Variants in ELFN1 observed in about 807,000 individuals in gnomAD.
The protein encoded by ELFN1 is extracellular leucine rich repeat and fibronectin type III domain containing 1.
A neutral mutation model predicts 7.6 loss-of-function variants in ELFN1; 6 were observed. That is an observed-to-expected ratio of 0.79 (90% CI 0.43 to 1.56). ELFN1 has a LOEUF of 1.56. Among genes scored for constraint, ELFN1 ranks in the 40% most tolerant of loss-of-function variants. ELFN1 has a pLI of 0.01. For missense variants in ELFN1, 1,169 were observed against 1,232.2 expected (o/e 0.95, Z 0.77); for synonymous variants, 657 against 588.1 (o/e 1.12, Z -1.70).
In ELFN1 at chr7:1,705,752, T is replaced by C. The variant is rs1032255650; in HGVS notation, c.-455-3339T>C. Among the ~76,000 whole-genome samples, 3 of 152,228 alleles carry C rather than the reference T, an allele frequency of 2.0e-5. No homozygotes were observed. The highest frequency in any genetic ancestry group is 7.2e-5 in the African/African-American group (3 of 41,456). Reference sequence around the variant, plus strand: ...GTCCACAACATCCTGCACAGATTTGTTGCCCTTCTGTAAAGTAGAGTCTTA... The same window carrying C: ...GTCCACAACATCCTGCACAGATTTGCTGCCCTTCTGTAAAGTAGAGTCTTA... On this transcript the variant is annotated intron_variant, in intron 2 of 3. Coordinates refer to ENST00000424383, the MANE Select transcript of ELFN1 (RefSeq NM_001128636.4). This position sits in a 1 kb window ranked among gnomAD's most constrained non-coding sequence, Gnocchi z 4.3.
At chr7:1,685,597 A>C (rs542266877) in intron 1 of ELFN1, among the ~76,000 whole-genome samples, 1 of 152,090 alleles carries the variant, frequency 6.6e-6, no homozygotes, top group East Asian at 1.9e-4. Flanking sequence ...TCATGTAATG[A>C]ATTTTTCATT....
At chr7:1,683,952 C>T (rs940842162) in intron 1 of ELFN1, among the ~76,000 whole-genome samples, 1 of 152,076 alleles carries the variant, frequency 6.6e-6, no homozygotes, top group African/African-American at 2.4e-5. Flanking sequence ...AGTTTGAGAC[C>T]ACCCTGGGAA....
rs116029739 is a variant in ELFN1 at position 1,708,136 on chromosome 7, C to T, written c.-455-955C>T. 5.1e-3 allele frequency among the ~76,000 whole-genome samples: 784 copies of T among 152,352 alleles called. 6 individuals carry two copies. The highest frequency in any genetic ancestry group is 0.017 in the African/African-American group (723 of 41,580). On this transcript the variant is annotated intron_variant, in intron 2 of 3. Transcript: ENST00000424383. The stretch of plus-strand genomic sequence containing the variant: ...CCACAGCACTTCCCCTCCTGCCCTC[C>T]AGATGCAAAAGCATCATTCATGGGG...
chr7:1,715,904 G>C (rs1053779036), intron 3 of ELFN1, among the ~76,000 whole-genome samples: 2 of 152,118 alleles, frequency 1.3e-5, no homozygotes, highest in Non-Finnish European at 2.9e-5. Flanking sequence ...TCCCTTCATA[G>C]ACCCTACCCC....
Position 1,707,524 on chromosome 7 carries a change from A to C in ELFN1, c.-455-1567A>C, listed in dbSNP as rs1254375661. 5.3e-5 allele frequency among the ~76,000 whole-genome samples: 8 copies of C among 152,200 alleles called. No homozygotes were observed. In the South Asian group the frequency reaches 6.2e-4, roughly 12 times the overall value. On this transcript the variant is annotated intron_variant, in intron 2 of 3. Coordinates refer to ENST00000424383, the MANE Select transcript of ELFN1 (RefSeq NM_001128636.4). The stretch of plus-strand genomic sequence containing the variant: ...GGGTGCCCTGGGAGGGGCCTTGGGC[A>C]GGACCAAGCAAAGGAAGCAGGCACG...
intron 2 of ELFN1, chr7:1,693,317 A>G (rs1046250446): frequency 2.2e-6 from 1 of 459,052 alleles, no homozygotes; most frequent in East Asian, 7.1e-5. Flanking sequence ...AGCCTCAGAA[A>G]GTGCCCGATT....
chr7:1,725,961 A>G (rs1780183035), intron 3 of ELFN1, among the ~76,000 whole-genome samples: 2 of 151,882 alleles, frequency 1.3e-5, no homozygotes, highest in Non-Finnish European at 2.9e-5. Flanking sequence ...CAAAAGTCAC[A>G]CAATACACAA....
rs796138776 is a variant in ELFN1 at position 1,695,766 on chromosome 7, A to C, written c.-456+7616A>C. ...CCGTGTCAAAAAAAAAAAAAAAAAA[A>C]AAAAAACCGTGCTGGTTTGGTTTCA... On this transcript the variant is annotated intron_variant, in intron 2 of 3. Coordinates refer to ENST00000424383, the MANE Select transcript of ELFN1 (RefSeq NM_001128636.4). The surrounding 1 kb of genome is among the most constrained non-coding windows in gnomAD (Gnocchi z 5.1). Among the ~76,000 whole-genome samples the C allele has an allele frequency of 2.0e-4, 30 of 151,652 alleles. No individual in the cohort carries two copies. The highest frequency in any genetic ancestry group is 6.0e-4 in the African/African-American group (25 of 41,348).
chr7:1,690,237 A>G (rs1476751418), intron 2 of ELFN1, among the ~76,000 whole-genome samples: 1 of 151,018 alleles, frequency 6.6e-6, no homozygotes, highest in Non-Finnish European at 1.5e-5. Context: ...AATGGATGGA[A>G]GAAAGATGAG....
In ELFN1 at chr7:1,705,506, C is replaced by T; in HGVS notation, c.-455-3585C>T. The stretch of plus-strand genomic sequence containing the variant: ...GAGTCCAGCGTGGCAGCCGCCACTG[C>T]CTGCCCGAGGGCACTGCTGGGCCCC... On this transcript the variant is annotated intron_variant, in intron 2 of 3. Transcript: ENST00000424383. This position sits in a 1 kb window ranked among gnomAD's most constrained non-coding sequence, Gnocchi z 4.3. Among the ~76,000 whole-genome samples, 1 of 152,234 alleles carries T rather than the reference C, an allele frequency of 6.6e-6. No individual in the cohort carries two copies. The highest frequency in any genetic ancestry group is 1.9e-4 in the East Asian group (1 of 5,186).
intron 2 of ELFN1, chr7:1,693,155 A>G (rs1348567279): frequency 5.6e-6 from 2 of 359,990 alleles, no homozygotes; most frequent in Non-Finnish European, 1.1e-5. Flanking sequence ...GCAGACCCCT[A>G]GTGACCAGAT....
chr7:1,680,609 C>T (rs1778956729), intron 1 of ELFN1, among the ~76,000 whole-genome samples: 1 of 152,178 alleles, frequency 6.6e-6, no homozygotes, highest in Non-Finnish European at 1.5e-5. Context: ...CAGTGGTTTT[C>T]ATGCATTCAT....
In ELFN1 at chr7:1,736,831, C is replaced by T. The variant is rs568979642; in HGVS notation, c.-293-7473C>T. Among the ~76,000 whole-genome samples the T allele has an allele frequency of 1.4e-4, 21 of 152,298 alleles. No individual in the cohort carries two copies. The South Asian group carries it at 4.1e-3, about 30-fold the overall frequency. ...CCTCTCCTGCTGTGGCCAGCTCTCCCAGCAACTCCAGTATTCAGACGGGAG... is the reference window on the plus strand; with the variant it reads ...CCTCTCCTGCTGTGGCCAGCTCTCCTAGCAACTCCAGTATTCAGACGGGAG... On this transcript the variant is annotated intron_variant, in intron 3 of 3. Coordinates refer to ENST00000424383, the MANE Select transcript of ELFN1 (RefSeq NM_001128636.4).
chr7:1,744,011 A>G (rs1780702772), intron 3 of ELFN1, among the ~76,000 whole-genome samples: 1 of 152,186 alleles, frequency 6.6e-6, no homozygotes, highest in Admixed American at 6.5e-5. Flanking sequence ...ATGGCCAAGC[A>G]GGCAGTGCCC....
chr7:1,681,704 T>C (rs1778978152), intron 1 of ELFN1, among the ~76,000 whole-genome samples: 1 of 152,252 alleles, frequency 6.6e-6, no homozygotes, highest in Non-Finnish European at 1.5e-5. Context: ...CGGACCATGT[T>C]ACATTCCCAC....
intron 2 of ELFN1, 24 bp downstream of exon 2, chr7:1,688,174 C>T (rs1311386059): frequency 6.6e-6 from 1 of 151,764 alleles, no homozygotes; most frequent in Non-Finnish European, 1.5e-5. Context: ...CACCTGGCCC[C>T]ATTTTTCTAT....
At chr7:1,708,179 C>A (rs1341543751) in intron 2 of ELFN1, among the ~76,000 whole-genome samples, 2 of 152,226 alleles carry the variant, frequency 1.3e-5, no homozygotes, top group South Asian at 2.1e-4. Context: ...CTGCACCACA[C>A]CCCAGCTGTG....
Position 1,739,483 on chromosome 7 carries a change from G to A in ELFN1, c.-293-4821G>A, listed in dbSNP as rs1349497006. 1.3e-5 allele frequency: 2 copies of A among 152,638 alleles called. No individual in the cohort carries two copies. Among genetic ancestry groups the A allele is most frequent in the Admixed American group, 1.3e-4 (2 of 15,276 alleles). The allele number at this position is 152,638 out of a possible 1,614,324, so 9.5% of individuals were successfully genotyped here. On this transcript the variant is annotated intron_variant, in intron 3 of 3. Transcript: ENST00000424383. The surrounding 1 kb of genome is among the most constrained non-coding windows in gnomAD (Gnocchi z 4.6). ...GAGCAGCCACTTAGACGCAACGGGG[G>A]AGAATCTTCAAGTCGGGGGCAGCCG...
chr7:1,707,322 G>A (rs1287669608), intron 2 of ELFN1, among the ~76,000 whole-genome samples: 1 of 152,364 alleles, frequency 6.6e-6, no homozygotes, highest in Non-Finnish European at 1.5e-5. Context: ...GCACACGCCT[G>A]TCTCCTAGTC....
Sources: gnomAD v4.1 joint callset for allele counts (sites outside exome capture counted in the v4.1 genomes callset) on GRCh38, gnomAD v4.1.1 for gene constraint, Gnocchi (gnomAD v3.1) non-coding constraint, MANE v1.5 for transcripts, NCBI Gene and HGNC (gene_info 2026-07-23, HGNC 2026-07-21) for gene names.